Variants in DOCK10 observed in about 807,000 individuals in gnomAD.
DOCK10 encodes the protein dedicator of cytokinesis 10.
DOCK10 carries 145 observed loss-of-function variants against 280.1 expected under a neutral mutation model. That is an observed-to-expected ratio of 0.52 (90% CI 0.45 to 0.59). The LOEUF is 0.59. Ranked by LOEUF, DOCK10 falls within the 20% of genes least tolerant of loss-of-function variation. DOCK10 has a pLI of 0.00. For synonymous variants in DOCK10, 915 were observed against 942.2 expected (o/e 0.97, Z 0.53); for missense variants, 2,368 against 2,651.7 (o/e 0.89, Z 2.35).
At position 224,800,165 on chromosome 2, in the gene DOCK10, T is replaced by A; in HGVS notation, c.4492A>T (p.Thr1498Ser). Residue 1498 changes from threonine (T) to serine (S), a missense_variant, in exon 41 of 56, where the codon ACA becomes TCA. This residue lies in a region of DOCK10 where 1,159 missense variants were observed against 1,400.8 expected (regional missense o/e 0.83). Coordinates refer to ENST00000258390, the MANE Select transcript of DOCK10 (RefSeq NM_014689.3). Reference sequence around the variant, plus strand: ...ATCATATTCACCTGATGAGTCTGTGTGAAGAGGGATAACAGGTCCAGAATA... The same window carrying A: ...ATCATATTCACCTGATGAGTCTGTGAGAAGAGGGATAACAGGTCCAGAATA... ...LTILDLLSLF[T>S]QTHQRQLQQC... 1 of 1,605,162 alleles carries A rather than the reference T, an allele frequency of 6.2e-7. No homozygotes were observed. Among genetic ancestry groups the A allele is most frequent in the Non-Finnish European group, 8.5e-7 (1 of 1,172,906 alleles).
At chr2:224,888,459 T>G (rs1699449094) in intron 4 of DOCK10, among the ~76,000 whole-genome samples, 2 of 152,154 alleles carry the variant, frequency 1.3e-5, no homozygotes, top group African/African-American at 2.4e-5. Flanking sequence ...TATACATGCA[T>G]GTATGTATAT....
chr2:224,817,533 A>C (rs1694207681), intron 29 of DOCK10, among the ~76,000 whole-genome samples: 1 of 152,212 alleles, frequency 6.6e-6, no homozygotes, highest in South Asian at 2.1e-4. Flanking sequence ...CCATTTCAAA[A>C]AGGATAATAT....
intron 1 of DOCK10, among the ~76,000 whole-genome samples, chr2:224,947,324 C>T (rs869063): frequency 0.56 from 85,699 of 152,074 alleles, 25,077 homozygotes; most frequent in Non-Finnish European, 0.64. Flanking sequence ...CAGGGCTCCA[C>T]GGCTGTCAAA....
intron 29 of DOCK10, among the ~76,000 whole-genome samples, chr2:224,817,847 C>A (rs988837265): frequency 1.3e-5 from 2 of 152,194 alleles, no homozygotes; most frequent in East Asian, 3.8e-4. Context: ...CTAAGCATGA[C>A]GTGAAAGGCT....
chr2:224,810,808 G>A (rs1197802788), intron 31 of DOCK10, among the ~76,000 whole-genome samples: 1 of 151,800 alleles, frequency 6.6e-6, no homozygotes, highest in Non-Finnish European at 1.5e-5. Flanking sequence ...TACAAAGGAC[G>A]TGAACTCATC....
chr2:224,782,394 T>C (rs1691414661), intron 50 of DOCK10, among the ~76,000 whole-genome samples: 1 of 152,208 alleles, frequency 6.6e-6, no homozygotes, highest in Non-Finnish European at 1.5e-5. Context: ...TTAAGTTATG[T>C]AATGGGTATT....
chr2:224,830,585 G>T lies in DOCK10; in HGVS notation c.2992C>A (p.Leu998Ile). Residue 998 changes from leucine to isoleucine, a missense_variant, in exon 27 of 56, where the codon CTA becomes ATA. By Grantham distance (5) the Leu-to-Ile change is conservative. Around this residue, in one of 2 missense-constraint regions of DOCK10, gnomAD observed 1,209 missense variants for 1,250.9 expected, o/e 0.97. Coordinates refer to ENST00000258390, the MANE Select transcript of DOCK10 (RefSeq NM_014689.3). ...KHSWFFFAII[L>I]KSMAQHLIDT... Reference sequence around the variant, plus strand: ...ATCAAGTGCTGTGCCATCGATTTTAGGATAATTGCAAAGAAGAACCAGGAA... The same window carrying T: ...ATCAAGTGCTGTGCCATCGATTTTATGATAATTGCAAAGAAGAACCAGGAA... 6.5e-7 allele frequency: 1 copy of T among 1,535,486 alleles called. No individual in the cohort carries two copies. Among genetic ancestry groups the T allele is most frequent in the Non-Finnish European group, 8.8e-7 (1 of 1,133,720 alleles).
At chr2:224,783,305 C>T (rs372003137) in intron 50 of DOCK10, among the ~76,000 whole-genome samples, 3 of 149,334 alleles carry the variant, frequency 2.0e-5, no homozygotes, top group South Asian at 2.1e-4. Flanking sequence ...GGCAGAGTCT[C>T]ACTCTGTCTC....
At position 224,856,929 on chromosome 2, in the gene DOCK10, G is replaced by A; in HGVS notation, c.1739C>T (p.Pro580Leu). ...GNVDRDSRFS[P>L]LFRQESSKIS... ...CTTGCTACTTTCTTGTCTAAACAAT[G>A]GTGAAAATCTTGAGTCTCTGTCCAC... The change falls in exon 15 of 56, where the codon CCA becomes CTA. Residue 580 changes from proline (P) to leucine (L), a missense_variant. Physicochemically the swap from Pro to Leu is moderately conservative, Grantham distance 98. Coordinates refer to ENST00000258390, the MANE Select transcript of DOCK10 (RefSeq NM_014689.3). 6.2e-7 allele frequency: 1 copy of A among 1,612,076 alleles called. No homozygotes were observed. Among genetic ancestry groups the A allele is most frequent in the Non-Finnish European group, 8.5e-7 (1 of 1,178,608 alleles).
At chr2:224,794,790 C>A in intron 45 of DOCK10, 89 bp downstream of exon 45, 5 of 1,277,124 alleles carry the variant, frequency 3.9e-6, no homozygotes, top group South Asian at 1.3e-5. Context: ...ACATGGCATC[C>A]TTTTCTAGTC....
intron 2 of DOCK10, among the ~76,000 whole-genome samples, chr2:224,921,312 T>G (rs1310724229): frequency 6.6e-6 from 1 of 150,478 alleles, no homozygotes; most frequent in Admixed American, 6.6e-5. Context: ...TCCATTTCAA[T>G]AAATAATAAT....
At chr2:224,948,467 C>T (rs1385795837) in intron 1 of DOCK10, among the ~76,000 whole-genome samples, 1 of 152,192 alleles carries the variant, frequency 6.6e-6, no homozygotes, top group Non-Finnish European at 1.5e-5. Context: ...AGATTTCACC[C>T]TCAAAGTAAC....
Position 224,806,235 on chromosome 2 carries a change from C to A in DOCK10, c.3705G>T (p.Gly1235=), listed in dbSNP as rs746051861. Residue 1235 remains glycine (G), a splice_region_variant and synonymous_variant, in exon 34 of 56, where the codon GGG becomes GGT. Transcript: ENST00000258390. The stretch of plus-strand genomic sequence containing the variant: ...CATTGGTGCTTAGATCATCTCTAGA[C>A]CCCTGTATTCAAAGTATAGTAAAGA... ...YPFTVNTSNQ[G]SRDDLSTNGG... is the part of the protein sequence containing the mutation. 3 of 1,572,992 alleles carry A rather than the reference C, an allele frequency of 1.9e-6. No homozygotes were observed. Among genetic ancestry groups the A allele is most frequent in the Admixed American group, 3.4e-5 (2 of 58,184 alleles).
intron 1 of DOCK10, among the ~76,000 whole-genome samples, chr2:224,934,139 G>A (rs1702551661): frequency 6.6e-6 from 1 of 152,074 alleles, no homozygotes; most frequent in African/African-American, 2.4e-5. Context: ...ACTCTGTGCT[G>A]TGGCTGCAGC....
chr2:224,885,663 C>T lies in DOCK10; in HGVS notation c.747+8G>A. ...AAATCCCAAGGAGGAAAAGGGATGT[C>T]TACTCACCTGCACCACTCCTGTACA... is the stretch of plus-strand genomic sequence containing the variant. On this transcript the variant is annotated splice_region_variant and intron_variant, in intron 7 of 55. Transcript: ENST00000258390. The T allele has an allele frequency of 4.4e-6, 7 of 1,586,530 alleles. No homozygotes were observed. The highest frequency in any genetic ancestry group is 6.0e-6 in the Non-Finnish European group (7 of 1,168,466).
In DOCK10 at chr2:224,999,270, G is replaced by T. The variant is rs187256991; in HGVS notation, c.123+42982C>A. Among the ~76,000 whole-genome samples the T allele has an allele frequency of 2.7e-5, 4 of 149,712 alleles. No homozygotes were observed. In the East Asian group the frequency reaches 5.9e-4, roughly 22 times the overall value. ...TCTCTCTTTTTTTTTTTCAATAAGGGTCTCGCTATGTTGCCCACGCTGCAT... is the reference window on the plus strand; with the variant it reads ...TCTCTCTTTTTTTTTTTCAATAAGGTTCTCGCTATGTTGCCCACGCTGCAT... On this transcript the variant is annotated intron_variant, in intron 1 of 55. Transcript: ENST00000258390.
At chr2:224,784,754 A>G in intron 50 of DOCK10, 1 of 1,289,850 alleles carries the variant, frequency 7.8e-7, no homozygotes, top group Non-Finnish European at 1.0e-6. Flanking sequence ...TGGAACAATC[A>G]AGACCAAAAG....
At chr2:224,878,939 A>G (rs1574982689) in intron 7 of DOCK10, among the ~76,000 whole-genome samples, 3 of 152,246 alleles carry the variant, frequency 2.0e-5, no homozygotes, top group Admixed American at 1.3e-4. Context: ...TGTTGGACAA[A>G]AACATAGCCA....
At chr2:224,872,829 T>C (rs7607230) in intron 11 of DOCK10, among the ~76,000 whole-genome samples, 21,619 of 151,994 alleles carry the variant, frequency 0.14, 2,190 homozygotes, top group African/African-American at 0.29. Flanking sequence ...GATTAGAAAT[T>C]TGAACAGAAC....
Sources: allele counts gnomAD v4.1 joint callset (sites outside exome capture counted in the v4.1 genomes callset), GRCh38; gene constraint gnomAD v4.1.1; regional missense constraint gnomAD v4.1.1; transcripts MANE v1.5; gene names NCBI Gene and HGNC (gene_info 2026-07-23, HGNC 2026-07-21).